Variants in FUT2 observed in about 807,000 individuals in gnomAD.
FUT2 encodes galactoside alpha-(1,2)-fucosyltransferase 2.
For missense variants in FUT2, 419 were observed against 465.8 expected, an observed-to-expected ratio of 0.90 and a Z score of 0.93; for synonymous variants, 182 against 193.1, an observed-to-expected ratio of 0.94 and a Z score of 0.48.
At chr19:48,701,543 C>T (rs753663913) in intron 1 of FUT2, among the ~76,000 whole-genome samples, 8 of 152,014 alleles carry the variant, frequency 5.3e-5, no homozygotes, top group Admixed American at 2.0e-4. Context: ...GGGAAGTCCA[C>T]GGTGGAGCTG....
chr19:48,703,956 G>A lies in FUT2; in HGVS notation c.1000G>A (p.Ala334Thr). 1 of 1,613,526 alleles carries A rather than the reference G, an allele frequency of 6.2e-7. No homozygotes were observed. The highest frequency in any genetic ancestry group is 8.5e-7 in the Non-Finnish European group (1 of 1,179,996). ...AAFLPEWTGI[A>T]ADLSPLLKH Reference sequence around the variant, plus strand: ...CTTCCTGCCGGAGTGGACAGGGATTGCCGCAGACCTGTCCCCCTTACTCAA... The same window carrying A: ...CTTCCTGCCGGAGTGGACAGGGATTACCGCAGACCTGTCCCCCTTACTCAA... The change falls in exon 2 of 2, where the codon GCC (alanine) becomes ACC (threonine). Residue 334 changes from alanine to threonine, a missense_variant. Ala to Thr is a moderately conservative substitution (Grantham distance 58, BLOSUM62 0). Transcript: ENST00000425340.
chr19:48,701,582 G>C (rs1000100661), intron 1 of FUT2, among the ~76,000 whole-genome samples: 1 of 152,096 alleles, frequency 6.6e-6, no homozygotes, highest in African/African-American at 2.4e-5. Flanking sequence ...AACTGGCTGC[G>C]GCCAGGAGGG....
In FUT2 at chr19:48,703,087, A is replaced by G; in HGVS notation, c.131A>G (p.Gln44Arg). The G allele has an allele frequency of 6.2e-7, 1 of 1,613,378 alleles. No individual in the cohort carries two copies. The highest frequency in any genetic ancestry group is 8.5e-7 in the Non-Finnish European group (1 of 1,180,028). Residue 44 changes from glutamine (Q) to arginine (R), a missense_variant, in exon 2 of 2, where the codon CAG becomes CGG. Physicochemically the swap from Gln to Arg is conservative, Grantham distance 43 (BLOSUM62 1). Coordinates refer to ENST00000425340, the MANE Select transcript of FUT2 (RefSeq NM_000511.6). ...CAAGCCATGTGGGAGTTACCGGTGC[A>G]GATACCAGTGCTAGCCTCAACATCA... is the stretch of plus-strand genomic sequence containing the variant. ...KIQAMWELPV[Q>R]IPVLASTSKA...
Position 48,703,586 on chromosome 19 carries a change from A to G in FUT2, c.630A>G (p.Pro210=). ...GAGGGGACTATGTCCATGTCATGCC[A>G]AAAGTGTGGAAGGGGGTGGTGGCCG... ...VRRGDYVHVM[P]KVWKGVVADR... is the part of the protein sequence containing the mutation. Residue 210 remains proline (P), a synonymous_variant, in exon 2 of 2, where the codon CCA becomes CCG. Coordinates refer to ENST00000425340, the MANE Select transcript of FUT2 (RefSeq NM_000511.6). 6.2e-7 allele frequency: 1 copy of G among 1,613,450 alleles called. No individual in the cohort carries two copies. The highest frequency in any genetic ancestry group is 1.7e-5 in the Admixed American group (1 of 60,004).
intron 1 of FUT2, among the ~76,000 whole-genome samples, chr19:48,699,417 C>T (rs764953001): frequency 1.3e-5 from 2 of 151,956 alleles, no homozygotes; most frequent in African/African-American, 4.8e-5. Flanking sequence ...AGACTGGTCT[C>T]GAACTGCTGA....
intron 1 of FUT2, among the ~76,000 whole-genome samples, chr19:48,700,427 T>C (rs1017271798): frequency 1.3e-5 from 2 of 151,664 alleles, no homozygotes; most frequent in Non-Finnish European, 2.9e-5. Flanking sequence ...CCCAGGTTCA[T>C]GCCATTCTCC....
At position 48,704,182 on chromosome 19, in the gene FUT2, G is replaced by T. The variant is rs1359664324; in HGVS notation, c.*194G>T. The T allele has an allele frequency of 1.1e-5, 7 of 652,402 alleles. No individual in the cohort carries two copies. The Admixed American group carries it at 1.5e-4, about 14-fold the overall frequency. 40.4% of individuals were successfully genotyped at this position (652,402 alleles called of 1,614,324 possible). A position where few individuals can be genotyped will look rare whatever the true frequency, so the allele number is the denominator to read the frequency against. ...CATGCCTGTAATGCTCGCACTTTGT[G>T]AGGCCAGGGTGGGTGGATCACTTGA... On this transcript the variant is annotated 3_prime_UTR_variant, in exon 2 of 2. Coordinates refer to ENST00000425340, the MANE Select transcript of FUT2 (RefSeq NM_000511.6).
rs2032607430 is a variant in FUT2, at chr19:48,704,858, G to C, written c.*870G>C. 1 of 413,318 alleles carries C rather than the reference G, an allele frequency of 2.4e-6. No individual in the cohort carries two copies. Among genetic ancestry groups the C allele is most frequent in the Non-Finnish European group, 4.4e-6 (1 of 226,152 alleles). 25.6% of individuals were successfully genotyped at this position (413,318 alleles called of 1,614,324 possible). A position where few individuals can be genotyped will look rare whatever the true frequency, so the allele number is the denominator to read the frequency against. On this transcript the variant is annotated 3_prime_UTR_variant, in exon 2 of 2. Coordinates refer to ENST00000425340, the MANE Select transcript of FUT2 (RefSeq NM_000511.6). ...TAGCCTCAGATTCTGCAGCTGAGAA[G>C]TTGATCAGCCACCTCTGAAGGACAT...
chr19:48,700,552 C>G (rs555781519), intron 1 of FUT2, among the ~76,000 whole-genome samples: 2 of 151,898 alleles, frequency 1.3e-5, no homozygotes, highest in African/African-American at 2.4e-5. Flanking sequence ...AGGATGGTCT[C>G]GATCTCCTGA....
chr19:48,701,137 ATTTTCTTTTC>A (rs556414788), intron 1 of FUT2, among the ~76,000 whole-genome samples: 1 of 151,438 alleles, frequency 6.6e-6, no homozygotes, highest in African/African-American at 2.4e-5. Context: ...AGAGCTCACT[ATTTTCTTTTC>A]TTTTCTTTTC....
At chr19:48,701,327 C>T (rs565553038) in intron 1 of FUT2, among the ~76,000 whole-genome samples, 39 of 151,958 alleles carry the variant, frequency 2.6e-4, no homozygotes, top group African/African-American at 8.4e-4. Flanking sequence ...TACGGGCGTC[C>T]GCCACCACAC....
chr19:48,700,993 A>G (rs1490565227), intron 1 of FUT2, among the ~76,000 whole-genome samples: 2 of 151,994 alleles, frequency 1.3e-5, no homozygotes, highest in African/African-American at 4.8e-5. Context: ...TTTAGAGTAG[A>G]CAACAGGGAT....
chr19:48,705,014 G>T lies in FUT2; in HGVS notation c.*1026G>T. 1 of 402,378 alleles carries T rather than the reference G, an allele frequency of 2.5e-6. No homozygotes were observed. The highest frequency in any genetic ancestry group is 4.6e-6 in the Non-Finnish European group (1 of 219,214). The allele number at this position is 402,378 out of a possible 1,614,324, so 24.9% of individuals were successfully genotyped here. ...GGAAGTCCCCTGGTTAAGAAGGCAA[G>T]TGGGGTTTAAACAGACCCACAGTCT... On this transcript the variant is annotated 3_prime_UTR_variant, in exon 2 of 2. Coordinates refer to ENST00000425340, the MANE Select transcript of FUT2 (RefSeq NM_000511.6).
chr19:48,704,925 G>C lies in FUT2; in HGVS notation c.*937G>C, dbSNP rs2032608560. 1 of 412,228 alleles carries C rather than the reference G, an allele frequency of 2.4e-6. No individual in the cohort carries two copies. Among genetic ancestry groups the C allele is most frequent in the Non-Finnish European group, 4.4e-6 (1 of 225,802 alleles). 25.5% of individuals were successfully genotyped at this position (412,228 alleles called of 1,614,324 possible). A position where few individuals can be genotyped will look rare whatever the true frequency, so the allele number is the denominator to read the frequency against. ...TAGGGTGGTGTTACCAAGGTGAAAAGGGGAAATGGCTTTAGAGTAGACAAC... is the reference window on the plus strand; with the variant it reads ...TAGGGTGGTGTTACCAAGGTGAAAACGGGAAATGGCTTTAGAGTAGACAAC... On this transcript the variant is annotated 3_prime_UTR_variant, in exon 2 of 2. Coordinates refer to ENST00000425340, the MANE Select transcript of FUT2 (RefSeq NM_000511.6).
At position 48,702,944 on chromosome 19, in the gene FUT2, T is replaced by C. The variant is rs750151695; in HGVS notation, c.-2-11T>C. ...TCCCAGCTAACGTGTCCCGTTTTCC[T>C]CCCCTGACAGCCATGCTGGTCGTTC... On this transcript the variant is annotated splice_polypyrimidine_tract_variant and intron_variant, in intron 1 of 1. Coordinates refer to ENST00000425340, the MANE Select transcript of FUT2 (RefSeq NM_000511.6). 8 of 1,612,860 alleles carry C rather than the reference T, an allele frequency of 5.0e-6. No homozygotes were observed. The South Asian group carries it at 8.8e-5, about 18-fold the overall frequency.
In FUT2 at chr19:48,704,909, G is replaced by A. The variant is rs2032608122; in HGVS notation, c.*921G>A. 2 of 412,796 alleles carry A rather than the reference G, an allele frequency of 4.8e-6. No individual in the cohort carries two copies. The highest frequency in any genetic ancestry group is 8.9e-6 in the Non-Finnish European group (2 of 225,988). The allele number at this position is 412,796 out of a possible 1,614,324, so 25.6% of individuals were successfully genotyped here. ...GCAGCTTGCAGAAAATTAGGGTGGT[G>A]TTACCAAGGTGAAAAGGGGAAATGG... is the stretch of plus-strand genomic sequence containing the variant. On this transcript the variant is annotated 3_prime_UTR_variant, in exon 2 of 2. Coordinates refer to ENST00000425340, the MANE Select transcript of FUT2 (RefSeq NM_000511.6).
Position 48,703,521 on chromosome 19 carries a change from G to A in FUT2, c.565G>A (p.Gly189Arg), listed in dbSNP as rs1371097739. 9 of 1,613,076 alleles carry A rather than the reference G, an allele frequency of 5.6e-6. No homozygotes were observed. Among genetic ancestry groups the A allele is most frequent in the East Asian group, 4.5e-5 (2 of 44,890 alleles). The change falls in exon 2 of 2, where the codon GGG becomes AGG. Residue 189 changes from glycine to arginine, a missense_variant. Gly to Arg is a moderately radical substitution (Grantham distance 125). Transcript: ENST00000425340. ...GTTCCTGCGGGGCCTGCAGGTGAAC[G>A]GGAGCCGGCCGGGCACCTTTGTAGG... is the stretch of plus-strand genomic sequence containing the variant. ...QKFLRGLQVN[G>R]SRPGTFVGVH... is the part of the protein sequence containing the mutation.
rs374477120 is a variant in FUT2, at chr19:48,704,353, C to T, written c.*365C>T. On this transcript the variant is annotated 3_prime_UTR_variant, in exon 2 of 2. Coordinates refer to ENST00000425340, the MANE Select transcript of FUT2 (RefSeq NM_000511.6). The stretch of plus-strand genomic sequence containing the variant: ...AAGAGAATCACTTGAACCCAGGAGG[C>T]GGAGGTTGCAGTGAGCCAAGATGGT... 1.0e-4 allele frequency: 36 copies of T among 345,392 alleles called. No individual in the cohort carries two copies. The highest frequency in any genetic ancestry group is 5.4e-4 in the African/African-American group (25 of 46,336). The allele number at this position is 345,392 out of a possible 1,614,324, so 21.4% of individuals were successfully genotyped here. A position where few individuals can be genotyped will look rare whatever the true frequency, so the allele number is the denominator to read the frequency against.
chr19:48,700,403 C>T (rs111299903), intron 1 of FUT2, among the ~76,000 whole-genome samples: 31,167 of 150,886 alleles, frequency 0.21, 3,971 homozygotes, highest in African/African-American at 0.36. Flanking sequence ...CTCGGCTCAC[C>T]GCAAGTTGCG....
Sources: allele counts gnomAD v4.1 joint callset (sites outside exome capture counted in the v4.1 genomes callset), GRCh38; gene constraint gnomAD v4.1.1; transcripts MANE v1.5; gene names NCBI Gene and HGNC (gene_info 2026-07-23, HGNC 2026-07-21).